The following SEC23A variants were observed in gnomAD, a reference collection of about 807,000 sequenced individuals.
The protein encoded by SEC23A is protein transport protein Sec23A.
Under a neutral mutation model 103.7 loss-of-function variants are expected in SEC23A, and 56 were observed. The ratio of observed to expected loss-of-function variants is 0.54; its 90% confidence interval spans 0.44 to 0.67. The LOEUF (loss-of-function observed/expected upper bound fraction) is 0.67, where lower values mean the gene tolerates loss of function less well. SEC23A is among the 30% of genes least tolerant of loss of function. The pLI, the probability that SEC23A is intolerant of heterozygous loss-of-function variation, is 0.00. For missense variants in SEC23A, 784 were observed against 936.4 expected, an observed-to-expected ratio of 0.84 and a Z score of 2.12; for synonymous variants, 281 against 293.0, an observed-to-expected ratio of 0.96 and a Z score of 0.42.
chr14:39,094,404 A>G (rs1887795786), intron 2 of SEC23A, among the ~76,000 whole-genome samples: 1 of 3,684 alleles, frequency 2.7e-4, no homozygotes, highest in East Asian at 0.019. Flanking sequence ...ACACATATAT[A>G]TATATATATA....
chr14:39,091,069 G>T (rs2139286500), intron 5 of SEC23A: 3 of 415,476 alleles, frequency 7.2e-6, no homozygotes, highest in South Asian at 3.9e-5. Context: ...TGAGGAGTAT[G>T]ATGATGACAT....
intron 14 of SEC23A, among the ~76,000 whole-genome samples, chr14:39,051,962 T>A (rs1260814384): frequency 1.3e-5 from 1 of 76,376 alleles, no homozygotes; most frequent in Non-Finnish European, 2.9e-5. Context: ...GCGAGGCTCC[T>A]TCTCGAAAAA....
intron 7 of SEC23A, among the ~76,000 whole-genome samples, chr14:39,083,563 C>CTTT (rs71130810): frequency 8.7e-5 from 8 of 91,816 alleles, no homozygotes; most frequent in East Asian, 4.3e-4. Context: ...AATAAACTTT[C>CTTT]TTTTTTTTTT....
Position 39,096,187 on chromosome 14 carries a change from A to G in SEC23A, c.-21-48T>C, listed in dbSNP as rs185790112. The G allele has an allele frequency of 4.6e-4, 571 of 1,243,260 alleles. 5 individuals are homozygous for G. The African/African-American group carries it at 7.4e-3, about 16-fold the overall frequency. 77.0% of individuals were successfully genotyped at this position (1,243,260 alleles called of 1,614,324 possible). A position where few individuals can be genotyped will look rare whatever the true frequency, so the allele number is the denominator to read the frequency against. On this transcript the variant is annotated intron_variant, in intron 1 of 19. Coordinates refer to ENST00000307712, the MANE Select transcript of SEC23A (RefSeq NM_006364.4). ...TTTAAAATCCAGGATCCTCTTAAGAACGTTCAAAATATGAATGTTCTCCCC... is the reference window on the plus strand; with the variant it reads ...TTTAAAATCCAGGATCCTCTTAAGAGCGTTCAAAATATGAATGTTCTCCCC...
In SEC23A at chr14:39,042,816, T is replaced by G; in HGVS notation, c.1956A>C (p.Thr652=). The stretch of plus-strand genomic sequence containing the variant: ...CATGATAAATCAAAATCTGGAAGAA[T>G]GTGTCCATGAGAAGAATACGATCTG... ...ILADRILLMD[T]FFQILIYHGE... The change falls in exon 17 of 20, where the codon ACA becomes ACC. Residue 652 remains threonine (T), a synonymous_variant. Transcript: ENST00000307712. 1 of 1,611,744 alleles carries G rather than the reference T, an allele frequency of 6.2e-7. No individual in the cohort carries two copies. Among genetic ancestry groups the G allele is most frequent in the Non-Finnish European group, 8.5e-7 (1 of 1,178,014 alleles).
chr14:39,080,397 T>C (rs1285968359), intron 7 of SEC23A, among the ~76,000 whole-genome samples: 1 of 152,206 alleles, frequency 6.6e-6, no homozygotes, highest in African/African-American at 2.4e-5. Context: ...AGTCAATTTA[T>C]ATATAACGGC....
intron 1 of SEC23A, among the ~76,000 whole-genome samples, chr14:39,101,668 A>G (rs1336802618): frequency 2.6e-5 from 4 of 152,164 alleles, no homozygotes; most frequent in East Asian, 1.9e-4. Context: ...TAGTTTTTCA[A>G]TATTCTAATT....
At chr14:39,047,136 G>C (rs1057421895) in intron 15 of SEC23A, among the ~76,000 whole-genome samples, 1 of 152,116 alleles carries the variant, frequency 6.6e-6, no homozygotes, top group African/African-American at 2.4e-5. Flanking sequence ...ATCAGACTTT[G>C]AAAACCCAAG....
intron 11 of SEC23A, 103 bp from the exon 12 acceptor site, chr14:39,063,516 G>A: frequency 4.3e-6 from 3 of 700,654 alleles, no homozygotes; most frequent in Non-Finnish European, 7.3e-6. Context: ...AAAAAGTCAT[G>A]TTTCAAACTA....
In SEC23A at chr14:39,061,816, T is replaced by C. The variant is rs187158371; in HGVS notation, c.1454A>G (p.Tyr485Cys). 9 of 1,614,046 alleles carry C rather than the reference T, an allele frequency of 5.6e-6. No homozygotes were observed. Among genetic ancestry groups the C allele is most frequent in the African/African-American group, 1.3e-5 (1 of 75,050 alleles). Residue 485 changes from tyrosine to cysteine, a missense_variant, in exon 13 of 20, where the codon TAT (tyrosine) becomes TGT (cysteine). Coordinates refer to ENST00000307712, the MANE Select transcript of SEC23A (RefSeq NM_006364.4). The part of the protein sequence containing the change: ...GRGAIQFVTQ[Y>C]QHSSGQRRIR... The stretch of plus-strand genomic sequence containing the variant: ...GCGTCTCTGCCCACTTGAATGCTGA[T>C]ACTGAGTCACAAACTGGATTGCACC...
intron 1 of SEC23A, among the ~76,000 whole-genome samples, chr14:39,100,348 T>G (rs1415050899): frequency 6.6e-6 from 1 of 152,146 alleles, no homozygotes; most frequent in Non-Finnish European, 1.5e-5. Context: ...ATTACAAAAT[T>G]TGCCAGGCTT....
intron 7 of SEC23A, among the ~76,000 whole-genome samples, chr14:39,080,538 T>C (rs938070533): frequency 2.6e-5 from 4 of 152,128 alleles, no homozygotes; most frequent in African/African-American, 9.7e-5. Flanking sequence ...CCCAAGTAGC[T>C]GGGATTACAG....
chr14:39,045,589 T>C (rs1003531177), intron 15 of SEC23A, among the ~76,000 whole-genome samples: 1 of 152,122 alleles, frequency 6.6e-6, no homozygotes, highest in African/African-American at 2.4e-5. Context: ...CTGGGCATGG[T>C]GGCTCACACC....
In SEC23A at chr14:39,095,928, G is replaced by A. The variant is rs748834685; in HGVS notation, c.191C>T (p.Thr64Ile). 1.2e-6 allele frequency: 2 copies of A among 1,613,904 alleles called. No individual in the cohort carries two copies. Among genetic ancestry groups the A allele is most frequent in the Non-Finnish European group, 1.7e-6 (2 of 1,179,820 alleles). ...IQYEPVLCSR[T>I]TCRAVLNPLC... Reference sequence around the variant, plus strand: ...AGGATTCAAAACTGCACGGCAAGTGGTCCTACTACACAGAACAGGTTCATA... The same window carrying A: ...AGGATTCAAAACTGCACGGCAAGTGATCCTACTACACAGAACAGGTTCATA... The change falls in exon 2 of 20, where the codon ACC (threonine) becomes ATC (isoleucine). Residue 64 changes from threonine (T) to isoleucine (I), a missense_variant. Physicochemically the swap from Thr to Ile is moderately conservative, Grantham distance 89. Transcript: ENST00000307712.
chr14:39,039,965 A>G (rs2139183863), intron 18 of SEC23A: 1 of 152,370 alleles, frequency 6.6e-6, no homozygotes, highest in African/African-American at 2.4e-5. Flanking sequence ...AACTAATAGT[A>G]ATTATCATTT....
intron 5 of SEC23A, among the ~76,000 whole-genome samples, chr14:39,089,817 ATG>A (rs1887595476): frequency 6.6e-6 from 1 of 152,152 alleles, no homozygotes; most frequent in Non-Finnish European, 1.5e-5. Flanking sequence ...TTAGCTGGGC[ATG>A]ATGGCGGGTG....
chr14:39,092,219 T>TTAG (rs1887687923), intron 4 of SEC23A, among the ~76,000 whole-genome samples: 2 of 152,210 alleles, frequency 1.3e-5, no homozygotes, highest in Admixed American at 1.3e-4. Context: ...ACCTGGGGGA[T>TTAG]ACATTAGCCA....
intron 13 of SEC23A, among the ~76,000 whole-genome samples, chr14:39,058,464 C>G (rs571907590): frequency 2.4e-4 from 37 of 152,220 alleles, no homozygotes; most frequent in African/African-American, 6.7e-4. Context: ...CCCGCCACCA[C>G]GCCCGGCTAA....
chr14:39,101,470 T>C (rs1888092327), intron 1 of SEC23A, among the ~76,000 whole-genome samples: 1 of 151,658 alleles, frequency 6.6e-6, no homozygotes, highest in Non-Finnish European at 1.5e-5. Context: ...ATACAAAAAT[T>C]AGCCAGGCAT....
Sources: allele counts gnomAD v4.1 joint callset (sites outside exome capture counted in the v4.1 genomes callset), GRCh38; gene constraint gnomAD v4.1.1; transcripts MANE v1.5; gene names NCBI Gene and HGNC (gene_info 2026-07-23, HGNC 2026-07-21).